Variants in C16orf78 observed in about 807,000 individuals in gnomAD.
C16orf78 encodes uncharacterized protein C16orf78.
In C16orf78, 19 loss-of-function variants were observed where a neutral mutation model predicts 27.3. The observed-to-expected ratio is 0.70, with a 90% CI of 0.49 to 1.02. The LOEUF (loss-of-function observed/expected upper bound fraction) is 1.02. Ranked by LOEUF, C16orf78 falls within the 50% of genes least tolerant of loss-of-function variation. The pLI, the probability that C16orf78 is intolerant of heterozygous loss-of-function variation, is 0.00. For synonymous variants in C16orf78, 130 were observed against 116.1 expected (o/e 1.12, Z -0.77); for missense variants, 339 against 337.0 (o/e 1.01, Z -0.05).
At chr16:49,374,315 C>T (rs556437651) in intron 1 of C16orf78, among the ~76,000 whole-genome samples, 3 of 152,034 alleles carry the variant, frequency 2.0e-5, no homozygotes, top group African/African-American at 4.8e-5. Context: ...GGCTCCCATC[C>T]TCTCACAGAG....
Position 49,379,749 on chromosome 16 carries a change from G to T in C16orf78, c.394+1156G>T, listed in dbSNP as rs370721734. On this transcript the variant is annotated intron_variant, in intron 3 of 4. Transcript: ENST00000299191. The stretch of plus-strand genomic sequence containing the variant: ...TAACATTAAGGGAAAATGGATGAAG[G>T]ATATACAGGAATCCTCCTTATTTTC... 2.0e-5 allele frequency among the ~76,000 whole-genome samples: 3 copies of T among 152,188 alleles called. No homozygotes were observed. The East Asian group carries it at 5.8e-4, about 29-fold the overall frequency.
intron 3 of C16orf78, among the ~76,000 whole-genome samples, chr16:49,387,177 T>G (rs566219603): frequency 6.6e-6 from 1 of 152,228 alleles, no homozygotes; most frequent in Non-Finnish European, 1.5e-5. Context: ...TGGTTTTGAT[T>G]TGCATTTCTC....
At chr16:49,386,825 A>G (rs1369514231) in intron 3 of C16orf78, among the ~76,000 whole-genome samples, 2 of 151,996 alleles carry the variant, frequency 1.3e-5, no homozygotes, top group Non-Finnish European at 2.9e-5. Context: ...TATGTACCAT[A>G]TTTTCTTTAT....
intron 1 of C16orf78, among the ~76,000 whole-genome samples, chr16:49,376,707 T>C (rs1192047544): frequency 6.6e-6 from 1 of 152,134 alleles, no homozygotes; most frequent in Non-Finnish European, 1.5e-5. Flanking sequence ...CCATAATTCA[T>C]GGAGGGCATT....
At chr16:49,381,429 C>T (rs1148702) in intron 3 of C16orf78, among the ~76,000 whole-genome samples, 6,967 of 152,232 alleles carry the variant, frequency 0.046, 447 homozygotes, top group African/African-American at 0.14. Context: ...ATTTGGCTCT[C>T]TGTTTGTCTG....
chr16:49,389,458 T>C (rs1164085253), intron 3 of C16orf78, among the ~76,000 whole-genome samples: 1 of 149,490 alleles, frequency 6.7e-6, no homozygotes, highest in African/African-American at 2.4e-5. Context: ...TAGCCAAGCG[T>C]GGTGACACAC....
At chr16:49,375,636 A>C (rs1309982547) in intron 1 of C16orf78, among the ~76,000 whole-genome samples, 4 of 152,158 alleles carry the variant, frequency 2.6e-5, no homozygotes, top group Non-Finnish European at 5.9e-5. Flanking sequence ...GGAGATTACA[A>C]CTTGACATGA....
chr16:49,379,271 T>C (rs1965259461), intron 3 of C16orf78, among the ~76,000 whole-genome samples: 1 of 152,128 alleles, frequency 6.6e-6, no homozygotes, highest in South Asian at 2.1e-4. Context: ...AGTGGTTTTT[T>C]TCTAAGTAAA....
At position 49,399,385 on chromosome 16, in the gene C16orf78, C is replaced by A; in HGVS notation, c.*107C>A. 7.5e-7 allele frequency: 1 copy of A among 1,337,470 alleles called. No homozygotes were observed. Among genetic ancestry groups the A allele is most frequent in the Non-Finnish European group, 1.0e-6 (1 of 971,418 alleles). The allele number at this position is 1,337,470 out of a possible 1,614,324, so 82.9% of individuals were successfully genotyped here. A position where few individuals can be genotyped will look rare whatever the true frequency, so the allele number is the denominator to read the frequency against. ...AGTGGTCCTTCCAACTTAGTGCATC[C>A]CTTTAGAAAGTAAGCAATCAGAAAA... is the stretch of plus-strand genomic sequence containing the variant. On this transcript the variant is annotated 3_prime_UTR_variant, in exon 5 of 5. Transcript: ENST00000299191.
chr16:49,388,671 C>G (rs1288457131), intron 3 of C16orf78, among the ~76,000 whole-genome samples: 1 of 152,100 alleles, frequency 6.6e-6, no homozygotes, highest in Non-Finnish European at 1.5e-5. Flanking sequence ...GCCACCATGG[C>G]CAGCAAATTT....
intron 3 of C16orf78, among the ~76,000 whole-genome samples, chr16:49,389,767 AT>A (rs1256838772): frequency 4.6e-5 from 7 of 152,182 alleles, no homozygotes; most frequent in Non-Finnish European, 8.8e-5. Context: ...ATTTTTCCAT[AT>A]TATAAACCCC....
chr16:49,389,431 A>C (rs1965387411), intron 3 of C16orf78, among the ~76,000 whole-genome samples: 1 of 151,090 alleles, frequency 6.6e-6, no homozygotes, highest in African/African-American at 2.4e-5. Context: ...ATCTCAAAAA[A>C]AAAAAAATAC....
At chr16:49,377,592 G>A (rs1261572062) in intron 1 of C16orf78, 139 bp from the exon 2 acceptor site, 24 of 1,114,708 alleles carry the variant, frequency 2.2e-5, no homozygotes, top group African/African-American at 3.2e-5. Flanking sequence ...GAACAGTGAC[G>A]ACAGGCCCTA....
intron 3 of C16orf78, among the ~76,000 whole-genome samples, chr16:49,390,847 G>T (rs1005114387): frequency 6.6e-6 from 1 of 152,148 alleles, no homozygotes; most frequent in Non-Finnish European, 1.5e-5. Context: ...CTCTGCCTTT[G>T]CCTAGGCTTC....
rs1432418019 is a variant in C16orf78, at chr16:49,377,421, G to A, written c.151-310G>A. Among the ~76,000 whole-genome samples the A allele has an allele frequency of 3.3e-5, 5 of 152,150 alleles. 1 individual carries two copies. The highest frequency in any genetic ancestry group is 4.1e-4 in the South Asian group (2 of 4,826). ...GAGCTGGTAAGGCCACAAGGGGGCTGGAGGGGCTTCCTACCAGGCTAGGGA... is the reference window on the plus strand; with the variant it reads ...GAGCTGGTAAGGCCACAAGGGGGCTAGAGGGGCTTCCTACCAGGCTAGGGA... On this transcript the variant is annotated intron_variant, in intron 1 of 4. Transcript: ENST00000299191.
chr16:49,377,977 C>T, intron 2 of C16orf78, 127 bp downstream of exon 2: 2 of 1,288,502 alleles, frequency 1.6e-6, no homozygotes, highest in South Asian at 1.5e-5. Context: ...CACTCTGGCC[C>T]CACATTAACA....
intron 3 of C16orf78, among the ~76,000 whole-genome samples, chr16:49,394,480 A>G (rs893880574): frequency 6.4e-5 from 5 of 78,286 alleles, no homozygotes; most frequent in Admixed American, 9.5e-5. Context: ...AGTTGATGGC[A>G]AAAAAAAAGC....
intron 1 of C16orf78, among the ~76,000 whole-genome samples, chr16:49,375,756 G>C (rs1965208977): frequency 6.6e-6 from 1 of 152,104 alleles, no homozygotes; most frequent in Non-Finnish European, 1.5e-5. Flanking sequence ...TTACTCTAAG[G>C]TGCTAATGAT....
intron 2 of C16orf78, 107 bp downstream of exon 2, chr16:49,377,957 C>T (rs904242090): frequency 2.1e-5 from 29 of 1,399,724 alleles, no homozygotes; most frequent in East Asian, 2.5e-5. Context: ...AATTTCAAGG[C>T]TCCGAAATTC....
Sources: allele counts gnomAD v4.1 joint callset (sites outside exome capture counted in the v4.1 genomes callset), GRCh38; gene constraint gnomAD v4.1.1; transcripts MANE v1.5; gene names NCBI Gene and HGNC (gene_info 2026-07-23, HGNC 2026-07-21).